The following UBE2E3 variants were observed in gnomAD, a reference collection of about 807,000 sequenced individuals.
The protein encoded by UBE2E3 is ubiquitin conjugating enzyme E2 E3.
Under a neutral mutation model 23.6 loss-of-function variants are expected in UBE2E3, and 5 were observed. That is an observed-to-expected ratio of 0.21 (90% CI 0.11 to 0.44). The LOEUF is 0.44. UBE2E3 is among the 20% of genes least tolerant of loss of function. The probability of loss-of-function intolerance (pLI) is 0.99; values close to 1 mark genes in which losing one functional copy is unlikely to be tolerated. For synonymous variants in UBE2E3, 78 were observed against 87.5 expected (o/e 0.89, Z 0.60); for missense variants, 81 against 249.8 (o/e 0.32, Z 4.55).
intron 3 of UBE2E3, among the ~76,000 whole-genome samples, chr2:181,012,671 A>G (rs1559120999): frequency 1.3e-5 from 2 of 152,198 alleles, no homozygotes; most frequent in Non-Finnish European, 1.5e-5. Context: ...TGTGTAAACT[A>G]ATAGTTCAAA....
chr2:180,987,313 CATTTACTTT>C, intron 3 of UBE2E3: 37 of 1,548,746 alleles, frequency 2.4e-5, no homozygotes, highest in Non-Finnish European at 3.2e-5. Flanking sequence ...GTTATTAAGA[CATTTACTTT>C]CCATCTGTTT....
chr2:181,025,836 CCTTT>C (rs2105636090), intron 3 of UBE2E3, among the ~76,000 whole-genome samples: 1 of 151,856 alleles, frequency 6.6e-6, no homozygotes, highest in South Asian at 2.1e-4. Context: ...AATGTAGAGC[CCTTT>C]CTTTTTTGTT....
chr2:181,028,457 G>A (rs193073398), intron 3 of UBE2E3, among the ~76,000 whole-genome samples: 2 of 152,154 alleles, frequency 1.3e-5, no homozygotes, highest in Non-Finnish European at 2.9e-5. Context: ...CAGAGAACGT[G>A]CATATTCAAC....
chr2:181,036,476 C>T (rs140243427), intron 3 of UBE2E3, among the ~76,000 whole-genome samples: 1 of 152,336 alleles, frequency 6.6e-6, no homozygotes, highest in East Asian at 1.9e-4. Context: ...TGCATCTTCT[C>T]CCGTGTCTGT....
intron 3 of UBE2E3, among the ~76,000 whole-genome samples, chr2:181,033,751 G>T (rs1380650601): frequency 1.3e-5 from 2 of 152,084 alleles, no homozygotes; most frequent in African/African-American, 2.4e-5. Context: ...GCAACCTACA[G>T]AATGGGAGAA....
intron 3 of UBE2E3, among the ~76,000 whole-genome samples, chr2:180,998,326 A>G (rs1684892179): frequency 6.6e-6 from 1 of 152,100 alleles, no homozygotes; most frequent in Non-Finnish European, 1.5e-5. Context: ...AGAGATTCTG[A>G]TTTAGTAGGC....
At chr2:181,021,735 A>G (rs768324241) in intron 3 of UBE2E3, among the ~76,000 whole-genome samples, 1 of 147,894 alleles carries the variant, frequency 6.8e-6, no homozygotes, top group African/African-American at 2.5e-5. Flanking sequence ...ATGGAACCAT[A>G]TAAAGTAATT....
chr2:180,997,889 T>G (rs1460600023), intron 3 of UBE2E3, among the ~76,000 whole-genome samples: 1 of 152,180 alleles, frequency 6.6e-6, no homozygotes, highest in Non-Finnish European at 1.5e-5. Context: ...CCTGCACATA[T>G]CTCTTTTGAG....
chr2:181,049,055 G>A (rs1686752015), intron 3 of UBE2E3, among the ~76,000 whole-genome samples: 2 of 152,068 alleles, frequency 1.3e-5, no homozygotes, highest in African/African-American at 4.8e-5. Flanking sequence ...AGGGTGATGG[G>A]TTGAGATTTC....
chr2:181,018,603 T>TG (rs1685572881), intron 3 of UBE2E3, among the ~76,000 whole-genome samples: 3 of 89,244 alleles, frequency 3.4e-5, no homozygotes, highest in African/African-American at 1.0e-4. Context: ...TCTGTGTTTT[T>TG]TTTTTTTTTT....
intron 3 of UBE2E3, among the ~76,000 whole-genome samples, chr2:180,994,416 A>C (rs1265139608): frequency 6.6e-6 from 1 of 152,170 alleles, no homozygotes; most frequent in East Asian, 1.9e-4. Flanking sequence ...TTATTACATT[A>C]AAAAAATCTC....
At chr2:180,998,254 T>C (rs1323708399) in intron 3 of UBE2E3, among the ~76,000 whole-genome samples, 4 of 152,156 alleles carry the variant, frequency 2.6e-5, no homozygotes, top group Non-Finnish European at 5.9e-5. Flanking sequence ...TGCTATAAAT[T>C]GGTGGTGTTC....
intron 3 of UBE2E3, among the ~76,000 whole-genome samples, chr2:180,988,630 C>A (rs1684556120): frequency 6.6e-6 from 1 of 152,222 alleles, no homozygotes; most frequent in East Asian, 1.9e-4. Context: ...ACCTGCATTA[C>A]CTAACCCCAT....
At chr2:181,023,308 A>G (rs1685765579) in intron 3 of UBE2E3, among the ~76,000 whole-genome samples, 1 of 152,220 alleles carries the variant, frequency 6.6e-6, no homozygotes, top group Admixed American at 6.5e-5. Context: ...TTAGTTGTTA[A>G]AATTTGATTT....
chr2:181,056,576 A>G (rs953228307), intron 3 of UBE2E3, among the ~76,000 whole-genome samples: 5 of 151,722 alleles, frequency 3.3e-5, no homozygotes, highest in African/African-American at 1.2e-4. Flanking sequence ...GTGAGGACTC[A>G]CCCCTGAGGG....
intron 3 of UBE2E3, among the ~76,000 whole-genome samples, chr2:181,022,400 C>T (rs1518459): frequency 6.6e-6 from 1 of 151,282 alleles, no homozygotes; most frequent in East Asian, 1.9e-4. Flanking sequence ...ACCATTACTC[C>T]TAGGGGAAAT....
intron 3 of UBE2E3, among the ~76,000 whole-genome samples, chr2:181,017,951 G>A (rs1052879076): frequency 5.9e-5 from 9 of 151,318 alleles, no homozygotes; most frequent in African/African-American, 1.9e-4. Flanking sequence ...TCTTCTGAGC[G>A]TGACTCTCTT....
At chr2:181,025,790 T>G (rs1685864488) in intron 3 of UBE2E3, among the ~76,000 whole-genome samples, 1 of 152,036 alleles carries the variant, frequency 6.6e-6, no homozygotes, top group South Asian at 2.1e-4. Context: ...AATCTGAGTT[T>G]CATACCAAGT....
At chr2:180,985,236 G>A (rs1236426671) in intron 3 of UBE2E3, among the ~76,000 whole-genome samples, 2 of 152,110 alleles carry the variant, frequency 1.3e-5, no homozygotes, top group African/African-American at 2.4e-5. Flanking sequence ...TAAGGAGATG[G>A]TGGTATGTGA....
Sources: gnomAD v4.1 joint callset for allele counts (sites outside exome capture counted in the v4.1 genomes callset) on GRCh38, gnomAD v4.1.1 for gene constraint, MANE v1.5 for transcripts, NCBI Gene and HGNC (gene_info 2026-07-23, HGNC 2026-07-21) for gene names.